AGBL1: variants seen among roughly 807,000 people sequenced by gnomAD.
AGBL1 encodes AGBL carboxypeptidase 1.
A neutral mutation model predicts 118.9 loss-of-function variants in AGBL1; 130 were observed. The observed-to-expected ratio is 1.09, with a 90% CI of 0.95 to 1.26. The LOEUF (loss-of-function observed/expected upper bound fraction) is 1.26. AGBL1 is among the 50% of genes most tolerant of loss of function. AGBL1 has a pLI of 0.00. For missense variants in AGBL1, 1,584 were observed against 1,298.1 expected, an observed-to-expected ratio of 1.22 and a Z score of -3.38; for synonymous variants, 555 against 478.9, an observed-to-expected ratio of 1.16 and a Z score of -2.08.
chr15:86,872,482 G>T (rs1310491965), intron 22 of AGBL1, among the ~76,000 whole-genome samples: 1 of 152,192 alleles, frequency 6.6e-6, no homozygotes, highest in African/African-American at 2.4e-5. Flanking sequence ...GGCCGTGGGT[G>T]CAGTGGCCCA....
intron 18 of AGBL1, among the ~76,000 whole-genome samples, chr15:86,445,843 T>C (rs1567264641): frequency 6.6e-6 from 1 of 152,232 alleles, no homozygotes; most frequent in Non-Finnish European, 1.5e-5. Context: ...ATTAAATCAT[T>C]TCTTTGTGAT....
intron 5 of AGBL1, among the ~76,000 whole-genome samples, chr15:86,191,348 CAAAAAAAAAA>C (rs869108108): frequency 1.5e-5 from 1 of 65,118 alleles, no homozygotes; most frequent in Non-Finnish European, 2.5e-5. Flanking sequence ...AACTTTGTCT[CAAAAAAAAAA>C]AAAAAAAAAA....
chr15:86,619,993 C>T (rs1445493440), intron 21 of AGBL1, among the ~76,000 whole-genome samples: 1 of 152,110 alleles, frequency 6.6e-6, no homozygotes. Flanking sequence ...ATGGGCTTTC[C>T]AGACTCACTA....
intron 23 of AGBL1, among the ~76,000 whole-genome samples, chr15:86,947,351 T>C (rs1254022952): frequency 1.3e-5 from 2 of 152,180 alleles, no homozygotes; most frequent in Non-Finnish European, 2.9e-5. Flanking sequence ...CCTAAATTTA[T>C]ATTGTTGGTT....
intron 23 of AGBL1, among the ~76,000 whole-genome samples, chr15:86,987,190 G>A (rs1489284132): frequency 6.6e-6 from 1 of 152,172 alleles, no homozygotes; most frequent in East Asian, 1.9e-4. Context: ...AGTTACTTCA[G>A]GCCATCTGGA....
chr15:86,870,174 A>ATTGGAAAAGGAAAGAAAAGGGAACTAT (rs1315374098), intron 22 of AGBL1, among the ~76,000 whole-genome samples: 1 of 152,130 alleles, frequency 6.6e-6, no homozygotes, highest in East Asian at 1.9e-4. Flanking sequence ...AGATCATCTA[A>ATTGGAAAAGGAAAGAAAAGGGAACTAT]TTGGAAAAGG....
At chr15:86,945,244 TAAAAAAA>T (rs11326362) in intron 23 of AGBL1, among the ~76,000 whole-genome samples, 1 of 70,786 alleles carries the variant, frequency 1.4e-5, no homozygotes, top group East Asian at 4.2e-4. Flanking sequence ...ACCCCATCAC[TAAAAAAA>T]AAAAAAAAAA....
intron 21 of AGBL1, among the ~76,000 whole-genome samples, chr15:86,594,265 G>T (rs1177210254): frequency 6.6e-6 from 1 of 151,970 alleles, no homozygotes; most frequent in Non-Finnish European, 1.5e-5. Context: ...ATTTGTTCAT[G>T]ATTTATTATC....
intron 22 of AGBL1, among the ~76,000 whole-genome samples, chr15:86,778,278 T>A (rs181724219): frequency 6.6e-6 from 1 of 152,034 alleles, no homozygotes; most frequent in African/African-American, 2.4e-5. Context: ...GGGGGCAAAA[T>A]TAAAATTGCT....
intron 18 of AGBL1, among the ~76,000 whole-genome samples, chr15:86,414,829 A>T (rs1567245218): frequency 6.6e-6 from 1 of 152,166 alleles, no homozygotes; most frequent in Admixed American, 6.5e-5. Context: ...TAGAAGAAGC[A>T]CATTAGCATC....
intron 5 of AGBL1, among the ~76,000 whole-genome samples, chr15:86,162,637 C>T (rs2077283229): frequency 6.6e-6 from 1 of 152,206 alleles, no homozygotes. Flanking sequence ...TTCGGCTCCT[C>T]ATGAGTCCCA....
At chr15:86,499,948 G>A (rs1232194094) in intron 18 of AGBL1, among the ~76,000 whole-genome samples, 1 of 151,822 alleles carries the variant, frequency 6.6e-6, no homozygotes, top group African/African-American at 2.4e-5. Flanking sequence ...CATCAGGGAA[G>A]TCACCTGTGA....
chr15:86,876,050 T>A (rs1209265415), intron 22 of AGBL1, among the ~76,000 whole-genome samples: 1 of 152,190 alleles, frequency 6.6e-6, no homozygotes, highest in East Asian at 1.9e-4. Flanking sequence ...GCTGGGGTCC[T>A]TTTGTCACTA....
intron 22 of AGBL1, among the ~76,000 whole-genome samples, chr15:86,842,863 A>G (rs145733953): frequency 6.6e-6 from 1 of 152,140 alleles, no homozygotes; most frequent in African/African-American, 2.4e-5. Context: ...AGTCAGAGGT[A>G]TAGTCTTCCT....
At chr15:86,488,455 A>G (rs1415128557) in intron 18 of AGBL1, among the ~76,000 whole-genome samples, 1 of 152,048 alleles carries the variant, frequency 6.6e-6, no homozygotes, top group Non-Finnish European at 1.5e-5. Context: ...GAGATAGATC[A>G]GTTAGAGTTT....
intron 17 of AGBL1, among the ~76,000 whole-genome samples, chr15:86,343,856 G>A (rs1003440958): frequency 2.0e-5 from 3 of 152,110 alleles, no homozygotes; most frequent in African/African-American, 7.2e-5. Context: ...CTGTATGAAC[G>A]TCTGATAGGG....
intron 16 of AGBL1, 105 bp downstream of exon 16, chr15:86,279,888 GA>G: frequency 7.1e-7 from 1 of 1,403,326 alleles, no homozygotes; most frequent in African/African-American, 1.4e-5. Flanking sequence ...GTGCAGAGGG[GA>G]ATGTAGGGGA....
chr15:86,516,869 C>T (rs1186613477), intron 18 of AGBL1, among the ~76,000 whole-genome samples: 1 of 151,724 alleles, frequency 6.6e-6, no homozygotes, highest in Non-Finnish European at 1.5e-5. Flanking sequence ...GTAGGGCTCT[C>T]TCTATATTTG....
intron 22 of AGBL1, among the ~76,000 whole-genome samples, chr15:86,746,288 A>G (rs913229568): frequency 6.6e-6 from 1 of 152,112 alleles, no homozygotes; most frequent in Non-Finnish European, 1.5e-5. Flanking sequence ...ATCCATATTG[A>G]AAAGGTTTTA....
Sources: gnomAD v4.1 joint callset for allele counts (sites outside exome capture counted in the v4.1 genomes callset) on GRCh38, gnomAD v4.1.1 for gene constraint, MANE v1.5 for transcripts, NCBI Gene and HGNC (gene_info 2026-07-23, HGNC 2026-07-21) for gene names.